Variants in FAM107A observed in about 807,000 individuals in gnomAD.
FAM107A encodes the protein actin-associated protein FAM107A.
In FAM107A, 19 loss-of-function variants were observed where a neutral mutation model predicts 13.7. The ratio of observed to expected loss-of-function variants is 1.38; its 90% CI spans 0.97 to 2.03. FAM107A has a LOEUF of 2.03. FAM107A is among the 30% of genes most tolerant of loss of function. The probability of loss-of-function intolerance (pLI) is 0.00; values close to 1 mark genes in which losing one functional copy is unlikely to be tolerated. For missense variants in FAM107A, 203 were observed against 184.4 expected, an observed-to-expected ratio of 1.10 and a Z score of -0.58; for synonymous variants, 82 against 74.5, an observed-to-expected ratio of 1.10 and a Z score of -0.52.
Position 58,566,504 on chromosome 3 carries a change from G to C in FAM107A, c.*84C>G. On this transcript the variant is annotated 3_prime_UTR_variant, in exon 4 of 4. Transcript: ENST00000360997. Reference sequence around the variant, plus strand: ...GAACATCACAGACGTCCCAGGGCCTGGGGCCCAGGGCTGCCAGGTACAGAA... The same window carrying C: ...GAACATCACAGACGTCCCAGGGCCTCGGGCCCAGGGCTGCCAGGTACAGAA... The C allele has an allele frequency of 1.1e-6, 1 of 906,912 alleles. No homozygotes were observed. The highest frequency in any genetic ancestry group is 1.8e-6 in the Non-Finnish European group (1 of 559,878). The allele number at this position is 906,912 out of a possible 1,614,324, so 56.2% of individuals were successfully genotyped here. A position where few individuals can be genotyped will look rare whatever the true frequency, so the allele number is the denominator to read the frequency against.
intron 1 of FAM107A, among the ~76,000 whole-genome samples, chr3:58,599,544 G>A (rs998847343): frequency 6.6e-6 from 1 of 152,112 alleles, no homozygotes; most frequent in African/African-American, 2.4e-5. Context: ...CGGGATAGTG[G>A]TTGCCCCTGT....
In FAM107A at chr3:58,566,574, C is replaced by T; in HGVS notation, c.*14G>A. The T allele has an allele frequency of 6.2e-7, 1 of 1,600,748 alleles. No individual in the cohort carries two copies. Among genetic ancestry groups the T allele is most frequent in the Admixed American group, 1.7e-5 (1 of 59,970 alleles). ...AGGCCAGGGTGGGCAGTGGCCTGAG[C>T]CCGGCAGCTGGCCCTACAGCTCTCT... On this transcript the variant is annotated 3_prime_UTR_variant, in exon 4 of 4. Transcript: ENST00000360997.
upstream of FAM107A, chr3:58,577,527 A>T (rs2108052778): frequency 1.0e-6 from 1 of 985,208 alleles, no homozygotes; most frequent in East Asian, 1.1e-4. This position sits in a 1 kb window ranked among gnomAD's most constrained non-coding sequence, Gnocchi z 4.9. Context: ...AGTAACAGAT[A>T]TTCCACTTGG....
At chr3:58,573,054 A>T (rs62849163) in intron 1 of FAM107A, among the ~76,000 whole-genome samples, 4,949 of 147,512 alleles carry the variant, frequency 0.034, 122 homozygotes, top group Non-Finnish European at 0.049. Context: ...TAAAAAAAAA[A>T]TTAATTAAAT....
intron 1 of FAM107A, among the ~76,000 whole-genome samples, chr3:58,603,778 G>T (rs1298001090): frequency 1.3e-5 from 2 of 152,172 alleles, no homozygotes; most frequent in Non-Finnish European, 2.9e-5. Flanking sequence ...GCAGCTGTGA[G>T]CAATCAGCAC....
upstream of FAM107A, chr3:58,577,464 C>G: frequency 1.0e-6 from 1 of 985,400 alleles, no homozygotes; most frequent in Non-Finnish European, 1.2e-6. This position sits in a 1 kb window ranked among gnomAD's most constrained non-coding sequence, Gnocchi z 4.9. Flanking sequence ...ACAAGTGAGA[C>G]AGCCTTTGCA....
chr3:58,627,102 G>A, intron 1 of FAM107A: 2 of 1,108,588 alleles, frequency 1.8e-6, no homozygotes, highest in Non-Finnish European at 2.6e-6. Context: ...CGGGGCGAGG[G>A]CCCCCTGTCC....
chr3:58,569,344 G>A lies in FAM107A; in HGVS notation c.170+347C>T, dbSNP rs1011663833. Reference sequence around the variant, plus strand: ...CATCCTACTGCCTGGCTATGCACCCGTCCCTGTCTGTGAGGACAGGAACTG... The same window carrying A: ...CATCCTACTGCCTGGCTATGCACCCATCCCTGTCTGTGAGGACAGGAACTG... On this transcript the variant is annotated intron_variant, in intron 2 of 3. Coordinates refer to ENST00000360997, the MANE Select transcript of FAM107A (RefSeq NM_001076778.3). This position sits in a 1 kb window ranked among gnomAD's most constrained non-coding sequence, Gnocchi z 5.7. Among the ~76,000 whole-genome samples, 3 of 152,132 alleles carry A rather than the reference G, an allele frequency of 2.0e-5. No homozygotes were observed. The highest frequency in any genetic ancestry group is 7.2e-5 in the African/African-American group (3 of 41,418).
At chr3:58,575,353 G>A (rs774642290) in intron 1 of FAM107A, among the ~76,000 whole-genome samples, 1 of 152,118 alleles carries the variant, frequency 6.6e-6, no homozygotes, top group African/African-American at 2.4e-5. Context: ...TTAGCCCAGC[G>A]CCTGGCAGAG....
At position 58,569,271 on chromosome 3, in the gene FAM107A, G is replaced by T. The variant is rs1031674762; in HGVS notation, c.170+420C>A. On this transcript the variant is annotated intron_variant, in intron 2 of 3. Transcript: ENST00000360997. The surrounding 1 kb of genome is among the most constrained non-coding windows in gnomAD (Gnocchi z 5.7). ...TGAAGTCATTTTAGACCCCTCTCGG[G>T]TTCCTCCTCTGGGGTCTCAGGCCTA... Among the ~76,000 whole-genome samples, 2 of 152,134 alleles carry T rather than the reference G, an allele frequency of 1.3e-5. No homozygotes were observed. Among genetic ancestry groups the T allele is most frequent in the Admixed American group, 1.3e-4 (2 of 15,274 alleles).
chr3:58,609,441 A>G (rs1575454584), intron 1 of FAM107A, among the ~76,000 whole-genome samples: 1 of 152,288 alleles, frequency 6.6e-6, no homozygotes, highest in Non-Finnish European at 1.5e-5. Context: ...GATAATTAGC[A>G]TTAATGTTTG....
chr3:58,577,088 C>T lies in FAM107A; in HGVS notation c.-6+221G>A, dbSNP rs866662268. 1.3e-5 allele frequency among the ~76,000 whole-genome samples: 2 copies of T among 152,218 alleles called. No homozygotes were observed. Among genetic ancestry groups the T allele is most frequent in the African/African-American group, 2.4e-5 (1 of 41,458 alleles). On this transcript the variant is annotated intron_variant, in intron 1 of 3. Transcript: ENST00000360997. The surrounding 1 kb of genome is among the most constrained non-coding windows in gnomAD (Gnocchi z 4.9). ...GAATGCAGGGCTATGCCAGGGGGCTCGCTTCTTTGTCTCCTACCCTTTTCC... is the reference window on the plus strand; with the variant it reads ...GAATGCAGGGCTATGCCAGGGGGCTTGCTTCTTTGTCTCCTACCCTTTTCC...
At chr3:58,595,345 C>T (rs2065689748) in intron 1 of FAM107A, among the ~76,000 whole-genome samples, 2 of 152,132 alleles carry the variant, frequency 1.3e-5, no homozygotes, top group South Asian at 2.1e-4. Flanking sequence ...GCCTGAAGCA[C>T]CTGAAGATCC....
At chr3:58,600,588 C>T (rs990523658) in intron 1 of FAM107A, among the ~76,000 whole-genome samples, 1 of 152,156 alleles carries the variant, frequency 6.6e-6, no homozygotes, top group Non-Finnish European at 1.5e-5. Context: ...ACAGGGAATT[C>T]GATAGAATGT....
intron 1 of FAM107A, among the ~76,000 whole-genome samples, chr3:58,594,155 C>T (rs2065679178): frequency 6.6e-6 from 1 of 152,212 alleles, no homozygotes; most frequent in Admixed American, 6.5e-5. Flanking sequence ...AGGGGCTTTT[C>T]AGCTCCGCAT....
chr3:58,602,193 C>T (rs1044380589), intron 1 of FAM107A, among the ~76,000 whole-genome samples: 5 of 152,142 alleles, frequency 3.3e-5, no homozygotes, highest in Admixed American at 6.5e-5. Context: ...GAAATCCAAA[C>T]GGTCCACAAA....
At chr3:58,583,347 G>A (rs2065568690) in intron 1 of FAM107A, among the ~76,000 whole-genome samples, 1 of 152,204 alleles carries the variant, frequency 6.6e-6, no homozygotes, top group South Asian at 2.1e-4. Flanking sequence ...TTTTAGCCGG[G>A]TGCGGTGGCT....
At position 58,566,589 on chromosome 3, in the gene FAM107A, T is replaced by C. The variant is rs778517634; in HGVS notation, c.434A>G (p.Ter145TrpextTer59). ...GTGGCCTGAGCCCGGCAGCTGGCCC[T>C]ACAGCTCTCTCTCTTCGCTGGTCAG... is the stretch of plus-strand genomic sequence containing the variant. ...ATLTSEEREL* is the reference protein window; with the variant it reads ...ATLTSEERELW The change falls in exon 4 of 4, where the codon TAG becomes TGG. Residue 145 changes from the stop codon to tryptophan, a stop_lost. Transcript: ENST00000360997. 1 of 1,612,072 alleles carries C rather than the reference T, an allele frequency of 6.2e-7. No homozygotes were observed. Among genetic ancestry groups the C allele is most frequent in the Non-Finnish European group, 8.5e-7 (1 of 1,178,568 alleles).
rs771173416 is a variant in FAM107A, at chr3:58,567,377, G to A, written c.171-13C>T. ...CACACCAAGGCCCCTGGGGTGGGAAGTGGGGAGCTGTCAGGAGACCATCAC... is the reference window on the plus strand; with the variant it reads ...CACACCAAGGCCCCTGGGGTGGGAAATGGGGAGCTGTCAGGAGACCATCAC... On this transcript the variant is annotated splice_polypyrimidine_tract_variant and intron_variant, in intron 2 of 3. Transcript: ENST00000360997. 3.7e-6 allele frequency: 6 copies of A among 1,605,150 alleles called. No homozygotes were observed. The highest frequency in any genetic ancestry group is 5.1e-6 in the Non-Finnish European group (6 of 1,176,284).
Sources: allele counts gnomAD v4.1 joint callset (sites outside exome capture counted in the v4.1 genomes callset), GRCh38; gene constraint gnomAD v4.1.1; non-coding constraint Gnocchi (gnomAD v3.1); transcripts MANE v1.5; gene names NCBI Gene and HGNC (gene_info 2026-07-23, HGNC 2026-07-21).